Variants in GKAP1 observed in about 807,000 individuals in gnomAD.
The protein encoded by GKAP1 is G kinase anchoring protein 1, also known as G kinase-anchoring protein 1.
GKAP1 carries 31 observed loss-of-function variants against 56.7 expected under a neutral mutation model. That is an observed-to-expected ratio of 0.55 (90% CI 0.41 to 0.74). The LOEUF (loss-of-function observed/expected upper bound fraction) is 0.74, where lower values mean the gene tolerates loss of function less well. GKAP1 is among the 30% of genes least tolerant of loss of function. GKAP1 has a pLI of 0.00. For synonymous variants in GKAP1, 151 were observed against 138.6 expected (o/e 1.09, Z -0.63); for missense variants, 364 against 402.3 (o/e 0.90, Z 0.82).
chr9:83,754,148 C>T (rs148352941), intron 8 of GKAP1, among the ~76,000 whole-genome samples: 119 of 152,172 alleles, frequency 7.8e-4, no homozygotes, highest in Non-Finnish European at 1.4e-3. Context: ...AAAGAGACTT[C>T]AGATATAAGA....
At chr9:83,803,634 C>G (rs976158659) in intron 3 of GKAP1, among the ~76,000 whole-genome samples, 4 of 152,208 alleles carry the variant, frequency 2.6e-5, no homozygotes, top group Non-Finnish European at 4.4e-5. Flanking sequence ...CTGCCTTGGC[C>G]TCCCAAAGTG....
chr9:83,782,760 C>T (rs1431324940), intron 6 of GKAP1, among the ~76,000 whole-genome samples: 8 of 149,648 alleles, frequency 5.3e-5, no homozygotes, highest in African/African-American at 2.0e-4. Flanking sequence ...TCCACCTCCC[C>T]GGTTCAATAG....
chr9:83,763,857 CTG>C lies in GKAP1; in HGVS notation c.738+4959_738+4960del, dbSNP rs1433641120. On this transcript the variant is annotated intron_variant, in intron 8 of 12. Coordinates refer to ENST00000376371, the MANE Select transcript of GKAP1 (RefSeq NM_025211.4). ...CATCCCAATGTAATAATCGATAAAA[CTG>C]TTTGATTTCAAAGTCTGTTCTCTTT... is the stretch of plus-strand genomic sequence containing the variant. Among the ~76,000 whole-genome samples, 10 of 152,256 alleles carry C rather than the reference CTG, an allele frequency of 6.6e-5. 1 individual carries two copies. The highest frequency in any genetic ancestry group is 2.4e-4 in the African/African-American group (10 of 41,558).
chr9:83,785,468 C>T (rs1944048641), intron 5 of GKAP1, among the ~76,000 whole-genome samples: 1 of 152,086 alleles, frequency 6.6e-6, no homozygotes, highest in African/African-American at 2.4e-5. Flanking sequence ...CATCTCCACA[C>T]GAAATGTATT....
chr9:83,814,811 TA>T (rs1055929427), intron 2 of GKAP1, among the ~76,000 whole-genome samples: 1 of 152,238 alleles, frequency 6.6e-6, no homozygotes, highest in Non-Finnish European at 1.5e-5. Context: ...TTCATTACGG[TA>T]AGTACTATTC....
At position 83,748,103 on chromosome 9, in the gene GKAP1, C is replaced by A. The variant is rs183832155; in HGVS notation, c.904+206G>T. Among the ~76,000 whole-genome samples the A allele has an allele frequency of 4.1e-4, 62 of 152,226 alleles. No individual in the cohort carries two copies. In the East Asian group the frequency reaches 0.011, roughly 27 times the overall value. On this transcript the variant is annotated intron_variant, in intron 10 of 12. Coordinates refer to ENST00000376371, the MANE Select transcript of GKAP1 (RefSeq NM_025211.4). ...AATAGGTATTTAAGATATCCAGGAA[C>A]TCAAACATTTATCATTTCTTTGTGT... is the stretch of plus-strand genomic sequence containing the variant.
chr9:83,790,179 T>C (rs7864189), intron 4 of GKAP1, among the ~76,000 whole-genome samples: 85,690 of 151,882 alleles, frequency 0.56, 24,769 homozygotes, highest in Admixed American at 0.7. Context: ...AACAATCGAA[T>C]GCAGAAAAAT....
intron 4 of GKAP1, among the ~76,000 whole-genome samples, chr9:83,797,178 T>C (rs972176620): frequency 2.3e-4 from 35 of 152,194 alleles, no homozygotes; most frequent in African/African-American, 8.2e-4. Context: ...ATTTGCATTA[T>C]CTATATGGTG....
intron 10 of GKAP1, among the ~76,000 whole-genome samples, chr9:83,745,106 C>T (rs533721429): frequency 2.0e-5 from 3 of 152,208 alleles, no homozygotes; most frequent in South Asian, 2.1e-4. Flanking sequence ...GGCAGGATTA[C>T]AGCAGTCTCA....
At chr9:83,775,448 C>T (rs535796665) in intron 7 of GKAP1, among the ~76,000 whole-genome samples, 53 of 152,132 alleles carry the variant, frequency 3.5e-4, no homozygotes, top group African/African-American at 1.2e-3. Flanking sequence ...TCTATGACCC[C>T]GATGTGATAT....
intron 4 of GKAP1, among the ~76,000 whole-genome samples, chr9:83,796,070 C>A (rs1271183519): frequency 6.6e-6 from 1 of 152,036 alleles, no homozygotes; most frequent in Non-Finnish European, 1.5e-5. Context: ...ATTTGGTGTT[C>A]TTTTCAAGCT....
chr9:83,741,739 G>A (rs113218383), intron 12 of GKAP1, among the ~76,000 whole-genome samples: 3 of 151,956 alleles, frequency 2.0e-5, no homozygotes, highest in Non-Finnish European at 2.9e-5. Flanking sequence ...GTAGTACCAA[G>A]AATTTTCCTG....
chr9:83,758,236 T>G (rs1460364530), intron 8 of GKAP1, among the ~76,000 whole-genome samples: 1 of 152,114 alleles, frequency 6.6e-6, no homozygotes, highest in Non-Finnish European at 1.5e-5. Flanking sequence ...ACCAAAAAAT[T>G]AAATGTATGA....
At chr9:83,782,246 T>TCAAGTGATC (rs1416849913) in intron 6 of GKAP1, among the ~76,000 whole-genome samples, 9 of 151,948 alleles carry the variant, frequency 5.9e-5, no homozygotes, top group Non-Finnish European at 1.2e-4. Flanking sequence ...GCTCCTAGCC[T>TCAAGTGATC]CAAGTGATCT....
intron 3 of GKAP1, among the ~76,000 whole-genome samples, chr9:83,801,936 G>GA (rs1388864355): frequency 6.6e-6 from 1 of 152,092 alleles, no homozygotes; most frequent in Non-Finnish European, 1.5e-5. Context: ...AAATGTAATA[G>GA]AAAAAATAAA....
chr9:83,769,824 C>T (rs1943726345), intron 7 of GKAP1, among the ~76,000 whole-genome samples: 1 of 152,176 alleles, frequency 6.6e-6, no homozygotes, highest in Non-Finnish European at 1.5e-5. Context: ...TTTACAATCC[C>T]ATCAGCAGTC....
At position 83,742,591 on chromosome 9, in the gene GKAP1, TTA is replaced by T; in HGVS notation, c.912_913del (p.Asp304GlufsTer9). On this transcript the variant is annotated frameshift_variant, in exon 11 of 13. Coordinates refer to ENST00000376371, the MANE Select transcript of GKAP1 (RefSeq NM_025211.4). LOFTEE classifies it high-confidence loss of function. ...ATCAACTTGCAGAAGTATTTCTGCC[TTA>T]TCTTTCACTGACAAAAAAGGAAAAA... 6.2e-7 allele frequency: 1 copy of T among 1,610,428 alleles called. No homozygotes were observed. The highest frequency in any genetic ancestry group is 8.5e-7 in the Non-Finnish European group (1 of 1,178,020).
chr9:83,779,298 CAT>C (rs1242579764), intron 7 of GKAP1, among the ~76,000 whole-genome samples: 1 of 151,380 alleles, frequency 6.6e-6, no homozygotes, highest in Non-Finnish European at 1.5e-5. Context: ...TGTTTGCATG[CAT>C]AGTTAGGAAC....
At chr9:83,767,083 G>C (rs1673466969) in intron 8 of GKAP1, among the ~76,000 whole-genome samples, 1 of 152,158 alleles carries the variant, frequency 6.6e-6, no homozygotes, top group South Asian at 2.1e-4. Flanking sequence ...AGTGGTTTTG[G>C]TGATAAAAAT....
Sources: allele counts gnomAD v4.1 joint callset (sites outside exome capture counted in the v4.1 genomes callset), GRCh38; gene constraint gnomAD v4.1.1; transcripts MANE v1.5; gene names NCBI Gene and HGNC (gene_info 2026-07-23, HGNC 2026-07-21).